Variants in RPS6KC1 observed in about 807,000 individuals in gnomAD.
The protein encoded by RPS6KC1 is inactive ribosomal protein S6 kinase delta-1.
A neutral mutation model predicts 103.8 loss-of-function variants in RPS6KC1; 54 were observed. That is an observed-to-expected ratio of 0.52 (90% CI 0.42 to 0.65). RPS6KC1 has a LOEUF of 0.65. Among genes scored for constraint, RPS6KC1 ranks in the 30% least tolerant of loss-of-function variants. The pLI is 0.00. For synonymous variants in RPS6KC1, 439 were observed against 438.7 expected, an observed-to-expected ratio of 1.00 and a Z score of -0.01; for missense variants, 1,151 against 1,253.8, an observed-to-expected ratio of 0.92 and a Z score of 1.24.
At chr1:213,838,566 C>T in the RPS6KC1 span, among the ~76,000 whole-genome samples, 14,518 of 151,832 alleles carry the variant, frequency 0.096, 827 homozygotes, top group South Asian at 0.19. Context: ...CACTACCTTC[C>T]GATTTGTATT....
intron 10 of RPS6KC1, among the ~76,000 whole-genome samples, chr1:213,236,028 C>T (rs950692645): frequency 2.6e-5 from 4 of 152,112 alleles, no homozygotes; most frequent in African/African-American, 7.2e-5. Context: ...GTCTGAGCTC[C>T]GCCTCCTGTC....
intron 8 of RPS6KC1, among the ~76,000 whole-genome samples, chr1:213,208,588 G>C (rs61832461): frequency 0.034 from 5,126 of 152,142 alleles, 115 homozygotes; most frequent in Middle Eastern, 0.054. Context: ...TTTATCTCTT[G>C]GGCCAATTGG....
chr1:213,845,226 T>C, the RPS6KC1 span, among the ~76,000 whole-genome samples: 2 of 152,240 alleles, frequency 1.3e-5, no homozygotes, highest in African/African-American at 4.8e-5. Flanking sequence ...ACCCAAGTGA[T>C]TGGTTTTTTC....
chr1:213,109,844 T>A (rs967753728), intron 4 of RPS6KC1, among the ~76,000 whole-genome samples: 14 of 151,926 alleles, frequency 9.2e-5, no homozygotes, highest in East Asian at 1.9e-4. Flanking sequence ...TTTTTTTTTT[T>A]ATTGGAGATT....
At chr1:213,447,858 C>T in the RPS6KC1 span, among the ~76,000 whole-genome samples, 1 of 151,848 alleles carries the variant, frequency 6.6e-6, no homozygotes, top group African/African-American at 2.4e-5. Flanking sequence ...TTGAATCTAA[C>T]AGTTGAAAAA....
At chr1:213,714,735 T>C in the RPS6KC1 span, among the ~76,000 whole-genome samples, 10 of 152,252 alleles carry the variant, frequency 6.6e-5, no homozygotes, top group Admixed American at 6.5e-4. Context: ...TAGGCTCTTC[T>C]AGGCAGATTG....
chr1:213,695,629 A>C, the RPS6KC1 span, among the ~76,000 whole-genome samples: 2 of 152,254 alleles, frequency 1.3e-5, no homozygotes, highest in Non-Finnish European at 2.9e-5. Flanking sequence ...TGTGATCAGC[A>C]TTCTATTCCA....
At chr1:213,097,293 G>A (rs1262474094) in intron 3 of RPS6KC1, among the ~76,000 whole-genome samples, 1 of 152,194 alleles carries the variant, frequency 6.6e-6, no homozygotes, top group Non-Finnish European at 1.5e-5. Flanking sequence ...GGCGGAGGCT[G>A]CAGTGAGCTG....
chr1:213,480,066 C>T, the RPS6KC1 span, among the ~76,000 whole-genome samples: 1 of 151,832 alleles, frequency 6.6e-6, no homozygotes, highest in African/African-American at 2.4e-5. Flanking sequence ...TGTTCTTTTT[C>T]TGAAATATCT....
chr1:213,821,397 G>C, the RPS6KC1 span: 1 of 152,246 alleles, frequency 6.6e-6, no homozygotes, highest in African/African-American at 2.4e-5. Flanking sequence ...AGACACTGGA[G>C]AGAAAGGACT....
chr1:213,462,902 A>T, the RPS6KC1 span, among the ~76,000 whole-genome samples: 1 of 152,164 alleles, frequency 6.6e-6, no homozygotes, highest in Non-Finnish European at 1.5e-5. Context: ...AAGTATAATT[A>T]AAAAAACTCC....
the RPS6KC1 span, chr1:213,822,341 T>C: frequency 6.6e-6 from 1 of 152,184 alleles, no homozygotes; most frequent in Admixed American, 6.5e-5. Flanking sequence ...ATCTCTTCTC[T>C]ATCTATTCCA....
intron 8 of RPS6KC1, among the ~76,000 whole-genome samples, chr1:213,197,080 AC>A (rs1164293301): frequency 2.0e-5 from 3 of 151,610 alleles, no homozygotes; most frequent in Non-Finnish European, 4.4e-5. Context: ...CAGGCGATCC[AC>A]CCGCCTCAGC....
At chr1:213,579,127 C>T in the RPS6KC1 span, among the ~76,000 whole-genome samples, 1 of 152,058 alleles carries the variant, frequency 6.6e-6, no homozygotes, top group African/African-American at 2.4e-5. Flanking sequence ...TTATAAATTA[C>T]ACTTTCCCTG....
chr1:213,377,782 C>A, the RPS6KC1 span, among the ~76,000 whole-genome samples: 1 of 152,170 alleles, frequency 6.6e-6, no homozygotes, highest in South Asian at 2.1e-4. Context: ...TATTCCTGCT[C>A]AGTTTGGGAG....
chr1:213,783,413 G>A, the RPS6KC1 span, among the ~76,000 whole-genome samples: 1 of 152,150 alleles, frequency 6.6e-6, no homozygotes, highest in Non-Finnish European at 1.5e-5. Flanking sequence ...CCTCTGCTGG[G>A]ATAACCACTG....
the RPS6KC1 span, among the ~76,000 whole-genome samples, chr1:213,580,140 T>C: frequency 6.6e-6 from 1 of 152,126 alleles, no homozygotes; most frequent in Admixed American, 6.5e-5. Context: ...TTCATCTTTC[T>C]AGATGATGCC....
At chr1:213,804,934 A>G in the RPS6KC1 span, among the ~76,000 whole-genome samples, 4 of 152,254 alleles carry the variant, frequency 2.6e-5, no homozygotes, top group Admixed American at 2.0e-4. Flanking sequence ...AGACCACTGC[A>G]ATAAAGCAAA....
chr1:213,597,608 C>T, the RPS6KC1 span, among the ~76,000 whole-genome samples: 2 of 152,158 alleles, frequency 1.3e-5, no homozygotes, highest in East Asian at 1.9e-4. Context: ...AAGGGGAAAC[C>T]GAAGATCAGA....
Sources: gnomAD v4.1 joint callset for allele counts (sites outside exome capture counted in the v4.1 genomes callset) on GRCh38, gnomAD v4.1.1 for gene constraint, MANE v1.5 for transcripts, NCBI Gene and HGNC (gene_info 2026-07-23, HGNC 2026-07-21) for gene names.